Variants in MROH1 observed in about 807,000 individuals in gnomAD.
The protein encoded by MROH1 is maestro heat like repeat family member 1, also known as maestro heat-like repeat-containing protein family member 1.
MROH1 carries 117 observed loss-of-function variants against 116.5 expected under a neutral mutation model. The observed-to-expected ratio is 1.00, with a 90% confidence interval of 0.86 to 1.17. The LOEUF is 1.17. Among genes scored for constraint, MROH1 ranks in the 50% most tolerant of loss-of-function variants. MROH1 has a pLI of 0.00. For missense variants in MROH1, 1,873 were observed against 1,338.5 expected, an observed-to-expected ratio of 1.40 and a Z score of -6.23; for synonymous variants, 921 against 583.9, an observed-to-expected ratio of 1.58 and a Z score of -8.32.
chr8:144,205,106 T>G (rs1202154172), intron 12 of MROH1, among the ~76,000 whole-genome samples: 2 of 152,168 alleles, frequency 1.3e-5, no homozygotes, highest in African/African-American at 4.8e-5. Flanking sequence ...CCCAGGCTGG[T>G]CTCCAACTCC....
chr8:144,244,077 G>A (rs1383810177), intron 26 of MROH1, 135 bp downstream of exon 26: 15 of 704,572 alleles, frequency 2.1e-5, no homozygotes, highest in African/African-American at 1.4e-4. Flanking sequence ...CGCCTTGTGT[G>A]TGCGCATGCT....
At chr8:144,240,515 GCCAGCCCTGTGAGGGGTCGGGCTC>G in intron 19 of MROH1, 31 bp from the exon 20 acceptor site, 1 of 711,812 alleles carries the variant, frequency 1.4e-6, no homozygotes, top group Non-Finnish European at 2.6e-6. Flanking sequence ...CCAGGCTCCA[GCCAGCCCTGTGAGGGGTCGGGCTC>G]CCAGCCCCTC....
intron 7 of MROH1, among the ~76,000 whole-genome samples, chr8:144,186,807 G>C (rs1167795092): frequency 1.3e-5 from 2 of 152,174 alleles, no homozygotes; most frequent in Non-Finnish European, 2.9e-5. Context: ...AAAAACTCAG[G>C]CTAGGCCGGG....
In MROH1 at chr8:144,250,284, C is replaced by T; in HGVS notation, c.3346C>T (p.Gln1116Ter). The part of the protein sequence containing the change: ...AQGEHVLPAA[Q>*]HSVYLLATQH... The stretch of plus-strand genomic sequence containing the variant: ...GGGAGAGCACGTCCTGCCGGCCGCC[C>T]AGCACAGCGTGTACCTCCTGGCCAC... Residue 1116 changes from glutamine to a stop codon, truncating the protein, a stop_gained, in exon 33 of 44, where the codon CAG (glutamine) becomes TAG (stop). Coordinates refer to ENST00000326134, the MANE Select transcript of MROH1 (RefSeq NM_032450.3). LOFTEE classifies it high-confidence loss of function. 1.3e-6 allele frequency: 1 copy of T among 767,458 alleles called. No individual in the cohort carries two copies. The highest frequency in any genetic ancestry group is 2.4e-6 in the Non-Finnish European group (1 of 415,930). The allele number at this position is 767,458 out of a possible 1,614,324, so 47.5% of individuals were successfully genotyped here.
At position 144,254,836 on chromosome 8, in the gene MROH1, C is replaced by T. The variant is rs907984614; in HGVS notation, c.3452C>T (p.Ala1151Val). 58 of 776,826 alleles carry T rather than the reference C, an allele frequency of 7.5e-5. No homozygotes were observed. The highest frequency in any genetic ancestry group is 3.8e-4 in the South Asian group (28 of 74,488). 48.1% of individuals were successfully genotyped at this position (776,826 alleles called of 1,614,324 possible). A position where few individuals can be genotyped will look rare whatever the true frequency, so the allele number is the denominator to read the frequency against. The change falls in exon 34 of 44, where the codon GCG (alanine) becomes GTG (valine). Residue 1151 changes from alanine (A) to valine (V), a missense_variant. By Grantham distance (64) the Ala-to-Val change is moderately conservative. Coordinates refer to ENST00000326134, the MANE Select transcript of MROH1 (RefSeq NM_032450.3). ...LDSHTCMLWR[A>V]LAVEPRLAAQ... ...AGCCACACCTGCATGCTGTGGCGGG[C>T]GCTGGCGGTGGAGCCTCGCCTAGCT...
chr8:144,221,204 T>C (rs1815887884), intron 13 of MROH1, among the ~76,000 whole-genome samples: 1 of 152,186 alleles, frequency 6.6e-6, no homozygotes, highest in South Asian at 2.1e-4. Flanking sequence ...GTTGGCGCCC[T>C]CGTGGCTGAG....
chr8:144,243,086 C>T (rs1032162169), intron 24 of MROH1, among the ~76,000 whole-genome samples: 1 of 152,260 alleles, frequency 6.6e-6, no homozygotes, highest in Non-Finnish European at 1.5e-5. Context: ...TCTGGCCTCC[C>T]TGGCACTAAC....
chr8:144,160,405 CTT>C (rs995193304), intron 1 of MROH1, among the ~76,000 whole-genome samples: 2 of 152,228 alleles, frequency 1.3e-5, no homozygotes, highest in African/African-American at 4.8e-5. Flanking sequence ...CTCCTAATCC[CTT>C]TGTGTGGCTC....
intron 12 of MROH1, among the ~76,000 whole-genome samples, chr8:144,218,655 CCTCCTCTCCCCTCCCGTCCCCT>C (rs1835807688): frequency 1.7e-5 from 2 of 114,398 alleles, no homozygotes; most frequent in African/African-American, 6.6e-5. Context: ...ACCATCCTCC[CCTCCTCTCCCCTCCCGTCCCCT>C]CTCCCCTCCC....
intron 28 of MROH1, 77 bp downstream of exon 28, chr8:144,244,616 C>A: frequency 2.8e-6 from 2 of 713,010 alleles, no homozygotes; most frequent in East Asian, 5.4e-5. Context: ...GCCCTCTCTC[C>A]ACATGTGGGC....
intron 19 of MROH1, 56 bp downstream of exon 19, chr8:144,240,209 G>C: frequency 1.4e-6 from 1 of 710,020 alleles, no homozygotes; most frequent in East Asian, 2.6e-5. Context: ...GGCCTGGGGG[G>C]TGCTGGGGTG....
chr8:144,175,107 C>G lies in MROH1; in HGVS notation c.169-4348C>G, dbSNP rs1587889066. 8 of 985,430 alleles carry G rather than the reference C, an allele frequency of 8.1e-6. No individual in the cohort carries two copies. The Middle Eastern group carries it at 1.6e-3, about 193-fold the overall frequency. The allele number at this position is 985,430 out of a possible 1,614,324, so 61.0% of individuals were successfully genotyped here. ...GAGATGTGTTTCCAAGATCAAGAAC[C>G]AGAGGAGATGGCAGCTGTGGGTCTG... On this transcript the variant is annotated intron_variant, in intron 4 of 43. Coordinates refer to ENST00000326134, the MANE Select transcript of MROH1 (RefSeq NM_032450.3).
chr8:144,214,673 C>G (rs1441751568), intron 12 of MROH1, among the ~76,000 whole-genome samples: 1 of 152,200 alleles, frequency 6.6e-6, no homozygotes, highest in Non-Finnish European at 1.5e-5. Flanking sequence ...CCACCCCAGC[C>G]ATTGTTCGTT....
chr8:144,207,482 C>T (rs758130307), intron 12 of MROH1, among the ~76,000 whole-genome samples: 2 of 152,256 alleles, frequency 1.3e-5, no homozygotes, highest in East Asian at 1.9e-4. Context: ...CCACCACGCC[C>T]GACCCCTGTT....
chr8:144,241,215 C>T (rs1278330297), intron 21 of MROH1, 104 bp downstream of exon 21: 9 of 698,962 alleles, frequency 1.3e-5, no homozygotes, highest in Non-Finnish European at 2.1e-5. Context: ...CCTGTGTGTG[C>T]GTGTGTGCAT....
chr8:144,174,023 G>A (rs1823192309), intron 4 of MROH1, among the ~76,000 whole-genome samples: 1 of 152,158 alleles, frequency 6.6e-6, no homozygotes, highest in Non-Finnish European at 1.5e-5. Context: ...GCCCAAGTTA[G>A]GCCACCTCCC....
At chr8:144,217,818 G>T (rs1250022748) in intron 12 of MROH1, among the ~76,000 whole-genome samples, 1 of 152,222 alleles carries the variant, frequency 6.6e-6, no homozygotes, top group East Asian at 1.9e-4. Context: ...GCTATTGTGT[G>T]AGTCCCTACC....
At chr8:144,249,312 G>C (rs1465273030) in intron 32 of MROH1, among the ~76,000 whole-genome samples, 1 of 138,132 alleles carries the variant, frequency 7.2e-6, no homozygotes, top group Non-Finnish European at 1.6e-5. Flanking sequence ...GAGAGAATAA[G>C]GGGGGAAAAG....
intron 7 of MROH1, among the ~76,000 whole-genome samples, chr8:144,186,685 G>C (rs1439804121): frequency 6.6e-6 from 1 of 151,344 alleles, no homozygotes; most frequent in Non-Finnish European, 1.5e-5. Flanking sequence ...CTGTCCTGAC[G>C]GGGGGGTCAC....
Sources: gnomAD v4.1 joint callset for allele counts (sites outside exome capture counted in the v4.1 genomes callset) on GRCh38, gnomAD v4.1.1 for gene constraint, MANE v1.5 for transcripts, NCBI Gene and HGNC (gene_info 2026-07-23, HGNC 2026-07-21) for gene names.